The following NACC2 variants were observed in gnomAD, a reference collection of about 807,000 sequenced individuals.
NACC2 encodes nucleus accumbens-associated protein 2.
NACC2 carries 8 observed loss-of-function variants against 25.1 expected under a neutral mutation model. The observed-to-expected ratio is 0.32, with a 90% CI of 0.19 to 0.57. The LOEUF (loss-of-function observed/expected upper bound fraction) is 0.57. Among genes scored for constraint, NACC2 ranks in the 20% least tolerant of loss-of-function variants. The probability of loss-of-function intolerance (pLI) is 0.89; values close to 1 mark genes in which losing one functional copy is unlikely to be tolerated. For synonymous variants in NACC2, 435 were observed against 294.7 expected (o/e 1.48, Z -4.88); for missense variants, 644 against 650.2 (o/e 0.99, Z 0.10).
Position 136,011,156 on chromosome 9 carries a change from C to G in NACC2, c.*360G>C, listed in dbSNP as rs368439258. On this transcript the variant is annotated 3_prime_UTR_variant, in exon 6 of 6. Coordinates refer to ENST00000277554, the MANE Select transcript of NACC2 (RefSeq NM_144653.5). The stretch of plus-strand genomic sequence containing the variant: ...CACCGCCGGCCCCTGCTTCGTCTTC[C>G]GGGCAGGAGGAGCAGGAAGGGCAGG... The G allele has an allele frequency of 5.8e-6, 1 of 173,170 alleles. No individual in the cohort carries two copies. The highest frequency in any genetic ancestry group is 2.4e-3 in the Middle Eastern group (1 of 410). The allele number at this position is 173,170 out of a possible 1,614,324, so 10.7% of individuals were successfully genotyped here. A position where few individuals can be genotyped will look rare whatever the true frequency, so the allele number is the denominator to read the frequency against.
intron 1 of NACC2, among the ~76,000 whole-genome samples, chr9:136,067,296 C>T (rs528415049): frequency 0.011 from 1,650 of 150,388 alleles, 19 homozygotes; most frequent in Non-Finnish European, 0.014. Flanking sequence ...ATTGTTGTTG[C>T]CTAGAGCCGG....
At chr9:136,050,606 C>T (rs1840814580) in intron 1 of NACC2, 26 bp from the exon 2 acceptor site, 2 of 699,038 alleles carry the variant, frequency 2.9e-6, no homozygotes, top group African/African-American at 1.7e-5. Context: ...GGCACGTGGT[C>T]AGTTCCTCCA....
intron 2 of NACC2, among the ~76,000 whole-genome samples, chr9:136,034,653 CT>C (rs1427072115): frequency 6.9e-6 from 1 of 144,526 alleles, no homozygotes; most frequent in African/African-American, 2.7e-5. Context: ...CAAGAAAATG[CT>C]TTAAAAAAAA....
intron 1 of NACC2, among the ~76,000 whole-genome samples, chr9:136,094,921 G>A (rs1830473222): frequency 6.7e-6 from 1 of 148,542 alleles, no homozygotes; most frequent in Non-Finnish European, 1.5e-5. Context: ...GCGGCGCGGC[G>A]TCCCGGCCCG....
chr9:136,048,079 C>T (rs1234232702), intron 2 of NACC2, among the ~76,000 whole-genome samples: 1 of 152,176 alleles, frequency 6.6e-6, no homozygotes, highest in Non-Finnish European at 1.5e-5. Context: ...CCCTGTCTGG[C>T]TGCCATTGTC....
chr9:136,077,158 G>A (rs935237702), intron 1 of NACC2, among the ~76,000 whole-genome samples: 1 of 148,534 alleles, frequency 6.7e-6, no homozygotes, highest in Admixed American at 6.8e-5. Context: ...CAGCCTGGGT[G>A]ACAGAGAAAA....
intron 2 of NACC2, among the ~76,000 whole-genome samples, chr9:136,044,151 A>T (rs2131157098): frequency 6.6e-6 from 1 of 152,218 alleles, no homozygotes; most frequent in Middle Eastern, 3.4e-3. Flanking sequence ...CAAGCAAAAA[A>T]GGCGGGGAGG....
chr9:136,094,520 A>G (rs74443815), intron 1 of NACC2, among the ~76,000 whole-genome samples: 28,770 of 151,806 alleles, frequency 0.19, 5,460 homozygotes, highest in African/African-American at 0.5. Flanking sequence ...TTAGAGAAGG[A>G]GCTGGGGCCC....
At chr9:136,047,861 T>C (rs1240884074) in intron 2 of NACC2, among the ~76,000 whole-genome samples, 1 of 152,158 alleles carries the variant, frequency 6.6e-6, no homozygotes, top group Non-Finnish European at 1.5e-5. Flanking sequence ...GGCAGATGCA[T>C]GGGACAAGTC....
At position 136,020,419 on chromosome 9, in the gene NACC2, C is replaced by T. The variant is rs956024880; in HGVS notation, c.887-3990G>A. Among the ~76,000 whole-genome samples, 10 of 152,216 alleles carry T rather than the reference C, an allele frequency of 6.6e-5. No homozygotes were observed. The highest frequency in any genetic ancestry group is 2.1e-4 in the South Asian group (1 of 4,816). ...CTGTCCCCAAGGCAGAGTGTGTCAT[C>T]GGGGACTCGCCCAGGTGACACCATC... On this transcript the variant is annotated intron_variant, in intron 2 of 5. Coordinates refer to ENST00000277554, the MANE Select transcript of NACC2 (RefSeq NM_144653.5). The surrounding 1 kb of genome is among the most constrained non-coding windows in gnomAD (Gnocchi z 4.7).
In NACC2 at chr9:136,041,352, G is replaced by A. The variant is rs1045600491; in HGVS notation, c.886+8284C>T. ...CAGAAACTGCCTGAACCCAGGAGGC[G>A]GAGGCTGCAGTGAGCCGAGATCGCA... is the stretch of plus-strand genomic sequence containing the variant. On this transcript the variant is annotated intron_variant, in intron 2 of 5. Coordinates refer to ENST00000277554, the MANE Select transcript of NACC2 (RefSeq NM_144653.5). Among the ~76,000 whole-genome samples the A allele has an allele frequency of 8.7e-3, 1,322 of 151,892 alleles. 18 individuals carry two copies. The highest frequency in any genetic ancestry group is 0.03 in the African/African-American group (1,240 of 41,400).
At chr9:136,015,375 A>G (rs904529315) in intron 3 of NACC2, among the ~76,000 whole-genome samples, 14 of 152,202 alleles carry the variant, frequency 9.2e-5, no homozygotes, top group Admixed American at 7.9e-4. Context: ...GGCCACAGCA[A>G]GGTGGGCCCC....
chr9:136,054,500 C>T (rs2131166221), intron 1 of NACC2, among the ~76,000 whole-genome samples: 1 of 152,304 alleles, frequency 6.6e-6, no homozygotes, highest in South Asian at 2.1e-4. Flanking sequence ...AAAATAAAGG[C>T]TTGGCTCACG....
At chr9:136,026,791 C>A (rs555310789) in intron 2 of NACC2, among the ~76,000 whole-genome samples, 1 of 152,168 alleles carries the variant, frequency 6.6e-6, no homozygotes, top group African/African-American at 2.4e-5. Context: ...AAATGGAATA[C>A]CTGATTAATC....
intron 2 of NACC2, among the ~76,000 whole-genome samples, chr9:136,027,443 C>T (rs1840409890): frequency 6.6e-6 from 1 of 152,204 alleles, no homozygotes; most frequent in East Asian, 1.9e-4. Flanking sequence ...TATTTCTTTT[C>T]AATGTATATG....
At position 136,010,563 on chromosome 9, in the gene NACC2, G is replaced by A. The variant is rs1217848905; in HGVS notation, c.*953C>T. On this transcript the variant is annotated 3_prime_UTR_variant, in exon 6 of 6. Coordinates refer to ENST00000277554, the MANE Select transcript of NACC2 (RefSeq NM_144653.5). This position sits in a 1 kb window ranked among gnomAD's most constrained non-coding sequence, Gnocchi z 4.9. Reference sequence around the variant, plus strand: ...ACCCACCCCAAGCCATGGTGGGCTGGGGACAGGGACACCCATCCCACCCAA... The same window carrying A: ...ACCCACCCCAAGCCATGGTGGGCTGAGGACAGGGACACCCATCCCACCCAA... 6.6e-6 allele frequency: 1 copy of A among 152,076 alleles called. No individual in the cohort carries two copies. The highest frequency in any genetic ancestry group is 1.9e-4 in the East Asian group (1 of 5,190). The allele number at this position is 152,076 out of a possible 1,614,324, so 9.4% of individuals were successfully genotyped here. A position where few individuals can be genotyped will look rare whatever the true frequency, so the allele number is the denominator to read the frequency against.
At chr9:136,094,028 G>T (rs1425005889) in intron 1 of NACC2, among the ~76,000 whole-genome samples, 1 of 152,246 alleles carries the variant, frequency 6.6e-6, no homozygotes, top group Non-Finnish European at 1.5e-5. Context: ...AGGAGAGTGC[G>T]GCCGCGCTGG....
chr9:136,037,405 A>G (rs1444512375), intron 2 of NACC2, among the ~76,000 whole-genome samples: 2 of 151,828 alleles, frequency 1.3e-5, no homozygotes, highest in East Asian at 3.9e-4. Flanking sequence ...ATTCCATTGT[A>G]TGGCCATACC....
intron 1 of NACC2, among the ~76,000 whole-genome samples, chr9:136,088,975 G>A (rs1830407349): frequency 6.6e-6 from 1 of 152,228 alleles, no homozygotes; most frequent in African/African-American, 2.4e-5. Flanking sequence ...GCATCGCGTG[G>A]AGCGGCTGAG....
Sources: gnomAD v4.1 joint callset for allele counts (sites outside exome capture counted in the v4.1 genomes callset) on GRCh38, gnomAD v4.1.1 for gene constraint, Gnocchi (gnomAD v3.1) non-coding constraint, MANE v1.5 for transcripts, NCBI Gene and HGNC (gene_info 2026-07-23, HGNC 2026-07-21) for gene names.